CACNA2D3: variants seen among roughly 807,000 people sequenced by gnomAD.
CACNA2D3 encodes the protein voltage-dependent calcium channel subunit alpha-2/delta-3.
A neutral mutation model predicts 160.6 loss-of-function variants in CACNA2D3; 60 were observed. The observed-to-expected ratio is 0.37, with a 90% CI of 0.30 to 0.46. The LOEUF is 0.46. Ranked by LOEUF, CACNA2D3 falls within the 20% of genes least tolerant of loss-of-function variation. CACNA2D3 has a pLI of 1.00. For missense variants in CACNA2D3, 1,205 were observed against 1,365.0 expected, an observed-to-expected ratio of 0.88 and a Z score of 1.85; for synonymous variants, 558 against 492.9, an observed-to-expected ratio of 1.13 and a Z score of -1.75.
At chr3:54,783,718 CTT>C in intron 13 of CACNA2D3, among the ~76,000 whole-genome samples, 1 of 152,150 alleles carries the variant, frequency 6.6e-6, no homozygotes, top group Non-Finnish European at 1.5e-5. Flanking sequence ...AGGTAGGAAA[CTT>C]TAAATTTTGC....
chr3:54,714,536 G>A (rs139691507), intron 11 of CACNA2D3, among the ~76,000 whole-genome samples: 261 of 152,310 alleles, frequency 1.7e-3, no homozygotes, highest in African/African-American at 5.7e-3. Flanking sequence ...AGCAATGGCC[G>A]TGCTTGGAAA....
chr3:54,682,626 A>T (rs1430014050), intron 11 of CACNA2D3, among the ~76,000 whole-genome samples: 1 of 152,158 alleles, frequency 6.6e-6, no homozygotes, highest in Non-Finnish European at 1.5e-5. Context: ...AGAAAAAAGA[A>T]ATTAATAAGG....
chr3:54,237,877 G>A (rs966585656), intron 2 of CACNA2D3, among the ~76,000 whole-genome samples: 1 of 152,098 alleles, frequency 6.6e-6, no homozygotes, highest in Non-Finnish European at 1.5e-5. Flanking sequence ...TGGTTCCATG[G>A]GTGAATAAGT....
intron 6 of CACNA2D3, among the ~76,000 whole-genome samples, 187 bp downstream of exon 6, chr3:54,563,118 A>G (rs967176390): frequency 6.6e-6 from 1 of 152,178 alleles, no homozygotes; most frequent in Non-Finnish European, 1.5e-5. Flanking sequence ...GCACGCACAC[A>G]CACAGGACAT....
At chr3:54,438,296 A>T (rs1700090248) in intron 4 of CACNA2D3, among the ~76,000 whole-genome samples, 2 of 152,208 alleles carry the variant, frequency 1.3e-5, no homozygotes, top group Non-Finnish European at 2.9e-5. Context: ...TACATAGTGA[A>T]ATAATTTAGA....
chr3:54,609,127 GGT>G (rs1698694905), intron 9 of CACNA2D3, among the ~76,000 whole-genome samples: 1 of 152,106 alleles, frequency 6.6e-6, no homozygotes. Flanking sequence ...AGGTCATAAG[GGT>G]GTGGCTGTGA....
chr3:54,170,935 C>T (rs1053964033), intron 2 of CACNA2D3, among the ~76,000 whole-genome samples: 6 of 151,712 alleles, frequency 4.0e-5, no homozygotes, highest in African/African-American at 1.5e-4. Flanking sequence ...TTTTATGAAC[C>T]TTATGCTGAA....
chr3:54,971,956 T>C lies in CACNA2D3; in HGVS notation c.2556+2112T>C, dbSNP rs1229750220. On this transcript the variant is annotated intron_variant, in intron 29 of 37. Transcript: ENST00000474759. ...TAGATAAGACATGAACAATGCATGGTATGGCTCCTGGAAATGATAAGCATT... is the reference window on the plus strand; with the variant it reads ...TAGATAAGACATGAACAATGCATGGCATGGCTCCTGGAAATGATAAGCATT... Among the ~76,000 whole-genome samples the C allele has an allele frequency of 2.6e-5, 4 of 152,124 alleles. No homozygotes were observed. In the East Asian group the frequency reaches 7.7e-4, roughly 29 times the overall value.
intron 4 of CACNA2D3, among the ~76,000 whole-genome samples, chr3:54,401,756 A>T (rs529931495): frequency 6.6e-6 from 1 of 152,304 alleles, no homozygotes; most frequent in Admixed American, 6.5e-5. Context: ...TACTTAAGAG[A>T]GTTCTTCAAG....
intron 27 of CACNA2D3, among the ~76,000 whole-genome samples, chr3:54,945,591 T>C (rs1701591755): frequency 6.6e-6 from 1 of 152,190 alleles, no homozygotes; most frequent in Admixed American, 6.5e-5. Flanking sequence ...GGGCAAGTTA[T>C]GTAAGTTCTT....
At chr3:54,308,744 T>G (rs55906507) in intron 2 of CACNA2D3, among the ~76,000 whole-genome samples, 5,792 of 152,196 alleles carry the variant, frequency 0.038, 383 homozygotes, top group African/African-American at 0.13. Flanking sequence ...GGAAATAGTA[T>G]CTCCCTGACC....
chr3:54,825,815 A>G (rs1223795052), intron 14 of CACNA2D3, among the ~76,000 whole-genome samples: 2 of 152,236 alleles, frequency 1.3e-5, no homozygotes, highest in African/African-American at 4.8e-5. Context: ...AAAATATAAT[A>G]AATGAAGTCT....
chr3:54,716,012 G>A (rs1701044027), intron 11 of CACNA2D3, among the ~76,000 whole-genome samples: 1 of 151,948 alleles, frequency 6.6e-6, no homozygotes, highest in South Asian at 2.1e-4. Context: ...TAATTAATTT[G>A]ATTGTAATAA....
chr3:54,312,538 G>GA (rs1320572712), intron 2 of CACNA2D3, among the ~76,000 whole-genome samples: 7 of 152,184 alleles, frequency 4.6e-5, no homozygotes, highest in South Asian at 2.1e-4. Flanking sequence ...TCTCACATAG[G>GA]AAAAAAACCA....
chr3:54,338,996 T>C (rs750647801), intron 3 of CACNA2D3, among the ~76,000 whole-genome samples: 13 of 152,208 alleles, frequency 8.5e-5, no homozygotes, highest in Non-Finnish European at 1.5e-4. Context: ...TCGCAGTCTA[T>C]AGAATGTATA....
chr3:55,046,219 T>G (rs1704078146), intron 35 of CACNA2D3, among the ~76,000 whole-genome samples: 1 of 145,846 alleles, frequency 6.9e-6, no homozygotes. Context: ...TCATCTAGCA[T>G]TAGGTATATC....
At chr3:54,417,366 GC>G (rs969949825) in intron 4 of CACNA2D3, among the ~76,000 whole-genome samples, 3 of 152,168 alleles carry the variant, frequency 2.0e-5, no homozygotes, top group Non-Finnish European at 2.9e-5. Flanking sequence ...TTCTTTAGTA[GC>G]CAGAGATTCT....
intron 2 of CACNA2D3, among the ~76,000 whole-genome samples, chr3:54,232,023 G>A (rs763340868): frequency 7.9e-5 from 12 of 152,228 alleles, no homozygotes; most frequent in Non-Finnish European, 1.5e-4. Flanking sequence ...TTTAAGCATA[G>A]GCATGTTTCA....
chr3:54,256,724 G>C (rs1559898184), intron 2 of CACNA2D3, among the ~76,000 whole-genome samples: 1 of 135,490 alleles, frequency 7.4e-6, no homozygotes, highest in South Asian at 2.7e-4. Flanking sequence ...TTCTTCTCTT[G>C]TCAAGACCAC....
Sources: allele counts gnomAD v4.1 joint callset (sites outside exome capture counted in the v4.1 genomes callset), GRCh38; gene constraint gnomAD v4.1.1; transcripts MANE v1.5; gene names NCBI Gene and HGNC (gene_info 2026-07-23, HGNC 2026-07-21).